The following ARHGEF26 variants were observed in gnomAD, a reference collection of about 807,000 sequenced individuals.
The protein encoded by ARHGEF26 is Rho guanine nucleotide exchange factor (GEF) 26.
Under a neutral mutation model 89.4 loss-of-function variants are expected in ARHGEF26, and 59 were observed. That is an observed-to-expected ratio of 0.66 (90% confidence interval 0.54 to 0.82). The LOEUF is 0.82. ARHGEF26 is among the 40% of genes least tolerant of loss of function. The pLI is 0.00. For synonymous variants in ARHGEF26, 500 were observed against 428.4 expected (o/e 1.17, Z -2.06); for missense variants, 1,234 against 1,085.6 (o/e 1.14, Z -1.92).
rs747908710 is a variant in ARHGEF26, at chr3:154,122,918, G to T, written c.926G>T (p.Arg309Leu). 1 of 1,613,272 alleles carries T rather than the reference G, an allele frequency of 6.2e-7. No individual in the cohort carries two copies. Among genetic ancestry groups the T allele is most frequent in the East Asian group, 2.2e-5 (1 of 44,838 alleles). ...DNDVDSPGSL[R>L]RGLRSTSYRR... ...GACGTGGATAGCCCAGGGTCTCTGC[G>T]GAGAGGCTTGCGGTCCACGTCTTAT... Residue 309 changes from arginine (R) to leucine (L), a missense_variant, in exon 2 of 15, where the codon CGG becomes CTG. Arg to Leu is a moderately radical substitution (Grantham distance 102). Coordinates refer to ENST00000465093, the MANE Select transcript of ARHGEF26 (RefSeq NM_015595.4).
At chr3:154,240,935 G>A (rs940438428) in intron 12 of ARHGEF26, among the ~76,000 whole-genome samples, 1 of 152,138 alleles carries the variant, frequency 6.6e-6, no homozygotes, top group African/African-American at 2.4e-5. Flanking sequence ...TTGAGTCTAG[G>A]CCATAAGCCT....
rs140595821 is a variant in ARHGEF26, at chr3:154,180,406, A to G, written c.1488-7279A>G. Among the ~76,000 whole-genome samples the G allele has an allele frequency of 2.6e-5, 4 of 151,772 alleles. No individual in the cohort carries two copies. In the East Asian group the frequency reaches 8.0e-4, roughly 30 times the overall value. On this transcript the variant is annotated intron_variant, in intron 6 of 14. Coordinates refer to ENST00000465093, the MANE Select transcript of ARHGEF26 (RefSeq NM_015595.4). ...CCTTGCTCAGGGCTTCTTAATTGTG[A>G]CATGACTTCTTCCTCACAATGATTA...
intron 6 of ARHGEF26, among the ~76,000 whole-genome samples, chr3:154,184,745 T>C (rs1021015792): frequency 6.6e-6 from 1 of 152,248 alleles, no homozygotes; most frequent in African/African-American, 2.4e-5. Flanking sequence ...TCCCTACTAG[T>C]AATCCATCCT....
chr3:154,253,476 T>C (rs1000785805), intron 13 of ARHGEF26, among the ~76,000 whole-genome samples: 5 of 152,200 alleles, frequency 3.3e-5, no homozygotes, highest in East Asian at 1.9e-4. Context: ...CATGGGGTTA[T>C]TGTGAAGATT....
intron 11 of ARHGEF26, among the ~76,000 whole-genome samples, chr3:154,239,921 G>A (rs1449558419): frequency 6.6e-6 from 1 of 152,040 alleles, no homozygotes; most frequent in Non-Finnish European, 1.5e-5. Flanking sequence ...CAGACCTCTG[G>A]GGCTCTTCTC....
At chr3:154,121,749 T>A (rs906777052) in intron 1 of ARHGEF26, among the ~76,000 whole-genome samples, 193 bp from the exon 2 acceptor site, 3 of 152,168 alleles carry the variant, frequency 2.0e-5, no homozygotes, top group Non-Finnish European at 4.4e-5. Flanking sequence ...TTAATCCGCC[T>A]GGGCGGCAGC....
At chr3:154,235,728 G>A (rs775342455) in intron 11 of ARHGEF26, among the ~76,000 whole-genome samples, 2 of 151,846 alleles carry the variant, frequency 1.3e-5, no homozygotes, top group African/African-American at 2.4e-5. Context: ...ACTTTTTGCC[G>A]TATTAGTGTC....
chr3:154,128,510 A>C (rs1421654341), intron 3 of ARHGEF26, among the ~76,000 whole-genome samples: 1 of 152,124 alleles, frequency 6.6e-6, no homozygotes, highest in Non-Finnish European at 1.5e-5. Flanking sequence ...AAGTGCTGAG[A>C]TTACAAGTGT....
At chr3:154,138,182 A>G (rs1719135910) in intron 4 of ARHGEF26, among the ~76,000 whole-genome samples, 1 of 152,214 alleles carries the variant, frequency 6.6e-6, no homozygotes, top group Non-Finnish European at 1.5e-5. Flanking sequence ...TTAAGAATCT[A>G]ATAAAAATTA....
At chr3:154,214,030 G>A (rs1036901692) in intron 9 of ARHGEF26, among the ~76,000 whole-genome samples, 6 of 152,066 alleles carry the variant, frequency 3.9e-5, no homozygotes, top group Non-Finnish European at 4.4e-5. Context: ...GGAGTCAGTC[G>A]GACAGAGTGG....
At chr3:154,168,823 C>CT (rs137986201) in intron 6 of ARHGEF26, among the ~76,000 whole-genome samples, 12 of 149,072 alleles carry the variant, frequency 8.0e-5, no homozygotes, top group Non-Finnish European at 1.5e-4. Flanking sequence ...GATTCTGCCA[C>CT]TTTTTTTTTT....
intron 12 of ARHGEF26, among the ~76,000 whole-genome samples, chr3:154,246,383 T>G (rs1235340763): frequency 6.6e-6 from 1 of 152,196 alleles, no homozygotes; most frequent in East Asian, 1.9e-4. Flanking sequence ...AAGTCCAGTT[T>G]GTCTTCAGAG....
chr3:154,131,139 G>A (rs1446435104), intron 4 of ARHGEF26, among the ~76,000 whole-genome samples: 2 of 152,202 alleles, frequency 1.3e-5, no homozygotes, highest in African/African-American at 2.4e-5. Context: ...GTCAGGGGAA[G>A]TAGAATGAAT....
chr3:154,240,473 A>G lies in ARHGEF26; in HGVS notation c.2194A>G (p.Thr732Ala). ...LNSSPGKNSS[T>A]MLYSRQSSAS... Reference sequence around the variant, plus strand: ...TTCTTCTCCAGGGAAGAACAGCTCCACAATGCTCTATTCAAGACAGAGCTC... The same window carrying G: ...TTCTTCTCCAGGGAAGAACAGCTCCGCAATGCTCTATTCAAGACAGAGCTC... Residue 732 changes from threonine to alanine, a missense_variant, in exon 12 of 15, where the codon ACA (threonine) becomes GCA (alanine). Physicochemically the swap from Thr to Ala is moderately conservative, Grantham distance 58. Coordinates refer to ENST00000465093, the MANE Select transcript of ARHGEF26 (RefSeq NM_015595.4). 6.2e-7 allele frequency: 1 copy of G among 1,613,440 alleles called. No homozygotes were observed. Among genetic ancestry groups the G allele is most frequent in the East Asian group, 2.2e-5 (1 of 44,880 alleles).
At chr3:154,194,827 T>C in intron 9 of ARHGEF26, 109 bp downstream of exon 9, 1 of 873,572 alleles carries the variant, frequency 1.1e-6, no homozygotes, top group East Asian at 2.7e-5. Flanking sequence ...TCACAGCCAT[T>C]TGTACAGCGT....
chr3:154,206,843 C>T (rs1030980180), intron 9 of ARHGEF26, among the ~76,000 whole-genome samples: 1 of 152,132 alleles, frequency 6.6e-6, no homozygotes, highest in African/African-American at 2.4e-5. Flanking sequence ...GGAGGCATCA[C>T]AGTACCTGAC....
intron 4 of ARHGEF26, among the ~76,000 whole-genome samples, chr3:154,141,909 C>T (rs965776516): frequency 1.3e-5 from 2 of 152,128 alleles, no homozygotes; most frequent in South Asian, 2.1e-4. Flanking sequence ...ATATCTGACT[C>T]CAAAATTCAT....
At chr3:154,199,998 A>G (rs1052368795) in intron 9 of ARHGEF26, among the ~76,000 whole-genome samples, 4 of 151,808 alleles carry the variant, frequency 2.6e-5, no homozygotes, top group African/African-American at 4.8e-5. Flanking sequence ...TTTTCCTTCT[A>G]TTCTGGGGGT....
intron 12 of ARHGEF26, among the ~76,000 whole-genome samples, chr3:154,244,650 T>G (rs1006245720): frequency 1.1e-4 from 17 of 151,948 alleles, no homozygotes; most frequent in African/African-American, 4.1e-4. Flanking sequence ...CCTAATTATA[T>G]ATAATTATAA....
Sources: gnomAD v4.1 joint callset for allele counts (sites outside exome capture counted in the v4.1 genomes callset) on GRCh38, gnomAD v4.1.1 for gene constraint, MANE v1.5 for transcripts, NCBI Gene and HGNC (gene_info 2026-07-23, HGNC 2026-07-21) for gene names.